PTPRN2: variants seen among roughly 807,000 people sequenced by gnomAD.
The protein encoded by PTPRN2 is receptor-type tyrosine-protein phosphatase N2.
PTPRN2 carries 74 observed loss-of-function variants against 118.8 expected under a neutral mutation model. The observed-to-expected ratio is 0.62, with a 90% CI of 0.52 to 0.76. The LOEUF is 0.76. Ranked by LOEUF, PTPRN2 falls within the 30% of genes least tolerant of loss-of-function variation. PTPRN2 has a pLI of 0.00. For missense variants in PTPRN2, 1,481 were observed against 1,394.4 expected (o/e 1.06, Z -0.99); for synonymous variants, 641 against 608.0 (o/e 1.05, Z -0.80).
intron 16 of PTPRN2, among the ~76,000 whole-genome samples, chr7:157,599,664 C>T (rs1033591562): frequency 1.1e-4 from 16 of 152,218 alleles, no homozygotes; most frequent in Non-Finnish European, 1.9e-4. Context: ...CACTGCGGGG[C>T]AGGTGAAGGG....
intron 9 of PTPRN2, among the ~76,000 whole-genome samples, chr7:158,120,274 G>C (rs1817051474): frequency 6.6e-6 from 1 of 152,156 alleles, no homozygotes; most frequent in Non-Finnish European, 1.5e-5. Context: ...GGTGATGGTT[G>C]CACAATAGCA....
At chr7:157,840,328 A>ACCGCGTGTGACGTGTGG (rs566940342) in intron 12 of PTPRN2, among the ~76,000 whole-genome samples, 4 of 117,418 alleles carry the variant, frequency 3.4e-5, no homozygotes, top group Non-Finnish European at 1.6e-5. Context: ...TGACTGTGTG[A>ACCGCGTGTGACGTGTGG]CCGCGTGTGA....
intron 11 of PTPRN2, chr7:158,028,007 AC>A (rs1204682742): frequency 6.6e-6 from 1 of 152,254 alleles, no homozygotes; most frequent in Non-Finnish European, 1.5e-5. Context: ...TTTGAACTTT[AC>A]ATACATTTTA....
chr7:157,793,861 C>T (rs547303651), intron 12 of PTPRN2, among the ~76,000 whole-genome samples: 1 of 152,270 alleles, frequency 6.6e-6, no homozygotes, highest in Non-Finnish European at 1.5e-5. Context: ...TCAATTTCCT[C>T]CTTTGCCTCC....
chr7:158,279,449 G>A (rs749597433), intron 3 of PTPRN2, among the ~76,000 whole-genome samples: 15 of 152,190 alleles, frequency 9.9e-5, no homozygotes, highest in Non-Finnish European at 1.5e-4. Context: ...CCCCTAGCCC[G>A]GGCACTCCAG....
intron 6 of PTPRN2, among the ~76,000 whole-genome samples, chr7:158,147,792 GA>G (rs1820322637): frequency 2.0e-5 from 2 of 100,340 alleles, no homozygotes; most frequent in African/African-American, 9.2e-5. Flanking sequence ...CCCCCTCACT[GA>G]CACCCCATTT....
At chr7:158,196,673 T>C (rs1352480772) in intron 4 of PTPRN2, among the ~76,000 whole-genome samples, 3 of 152,142 alleles carry the variant, frequency 2.0e-5, no homozygotes, top group East Asian at 3.9e-4. Flanking sequence ...CGGGCACCCC[T>C]GGGGCCCTGC....
intron 12 of PTPRN2, among the ~76,000 whole-genome samples, chr7:157,700,963 C>G (rs1456482265): frequency 3.0e-4 from 45 of 152,358 alleles, no homozygotes; most frequent in African/African-American, 1.1e-3. Flanking sequence ...CTCATCATTT[C>G]ACGCATGTGC....
chr7:158,034,104 C>A (rs1177690694), intron 11 of PTPRN2, among the ~76,000 whole-genome samples: 1 of 150,222 alleles, frequency 6.7e-6, no homozygotes, highest in African/African-American at 2.5e-5. Context: ...CCCTGCCCAG[C>A]AATGCTCTGC....
At chr7:157,776,531 TC>T (rs1563096964) in intron 12 of PTPRN2, among the ~76,000 whole-genome samples, 5 of 3,280 alleles carry the variant, frequency 1.5e-3, no homozygotes, top group African/African-American at 3.0e-3. Context: ...CCCTCTCCTC[TC>T]TCTCCTTCTC....
At chr7:158,138,062 C>CT (rs1819001637) in intron 7 of PTPRN2, among the ~76,000 whole-genome samples, 1 of 152,244 alleles carries the variant, frequency 6.6e-6, no homozygotes, top group African/African-American at 2.4e-5. Flanking sequence ...AGGAGTGAAA[C>CT]CTCCTCGCAG....
intron 11 of PTPRN2, among the ~76,000 whole-genome samples, chr7:157,909,915 T>C (rs192455126): frequency 1.3e-3 from 200 of 152,350 alleles, no homozygotes; most frequent in African/African-American, 4.7e-3. Flanking sequence ...ATAGGAAGCA[T>C]GAGCAAATTA....
At chr7:158,406,633 C>T (rs1813466000) in intron 2 of PTPRN2, among the ~76,000 whole-genome samples, 1 of 152,250 alleles carries the variant, frequency 6.6e-6, no homozygotes, top group Non-Finnish European at 1.5e-5. Context: ...AGTCCTGCTG[C>T]AGCCACTCGC....
intron 3 of PTPRN2, among the ~76,000 whole-genome samples, chr7:158,214,862 C>T (rs1827850150): frequency 6.6e-6 from 1 of 152,124 alleles, no homozygotes; most frequent in African/African-American, 2.4e-5. Flanking sequence ...CCACCACCAC[C>T]CCTTACCCCC....
intron 2 of PTPRN2, among the ~76,000 whole-genome samples, chr7:158,379,988 G>C (rs1156466844): frequency 6.6e-6 from 1 of 152,124 alleles, no homozygotes; most frequent in African/African-American, 2.4e-5. Context: ...GTGAGGTTTA[G>C]TCACTATCAG....
intron 12 of PTPRN2, among the ~76,000 whole-genome samples, chr7:157,709,641 C>T (rs555422267): frequency 1.2e-4 from 18 of 152,324 alleles, no homozygotes; most frequent in African/African-American, 4.1e-4. Context: ...CAGGAATGGG[C>T]GGTCCTGCTA....
At chr7:158,263,270 C>A (rs1797653901) in intron 3 of PTPRN2, among the ~76,000 whole-genome samples, 1 of 152,206 alleles carries the variant, frequency 6.6e-6, no homozygotes, top group Non-Finnish European at 1.5e-5. Context: ...GCATGCACTG[C>A]ACGTGTTGCA....
At chr7:158,354,861 C>A (rs1425277861) in intron 2 of PTPRN2, among the ~76,000 whole-genome samples, 1 of 152,160 alleles carries the variant, frequency 6.6e-6, no homozygotes, top group Non-Finnish European at 1.5e-5. Flanking sequence ...AATATGACCA[C>A]CTCAGGCTTT....
chr7:158,558,116 C>A (rs1227576692), intron 1 of PTPRN2, among the ~76,000 whole-genome samples: 1 of 152,102 alleles, frequency 6.6e-6, no homozygotes, highest in African/African-American at 2.4e-5. Flanking sequence ...TCCCAAGGAG[C>A]TGAGACCACA....
Sources: gnomAD v4.1 joint callset for allele counts (sites outside exome capture counted in the v4.1 genomes callset) on GRCh38, gnomAD v4.1.1 for gene constraint, MANE v1.5 for transcripts, NCBI Gene and HGNC (gene_info 2026-07-23, HGNC 2026-07-21) for gene names.